The following ULK4 variants were observed in gnomAD, a reference collection of about 807,000 sequenced individuals.
ULK4 encodes unc-51 like kinase 4, also known as inactive serine/threonine-protein kinase ULK4.
Under a neutral mutation model 160.6 loss-of-function variants are expected in ULK4, and 133 were observed. The ratio of observed to expected loss-of-function variants is 0.83; its 90% CI spans 0.72 to 0.96. The LOEUF (loss-of-function observed/expected upper bound fraction) is 0.96. Among genes scored for constraint, ULK4 ranks in the 40% least tolerant of loss-of-function variants. The pLI is 0.00. For missense variants in ULK4, 1,580 were observed against 1,499.5 expected (o/e 1.05, Z -0.89); for synonymous variants, 534 against 539.8 (o/e 0.99, Z 0.15).
intron 30 of ULK4, among the ~76,000 whole-genome samples, chr3:41,638,875 A>T (rs1575511236): frequency 6.6e-6 from 1 of 152,262 alleles, no homozygotes; most frequent in Non-Finnish European, 1.5e-5. Context: ...TGGCAGGTGT[A>T]TGCAATATAT....
intron 32 of ULK4, among the ~76,000 whole-genome samples, chr3:41,487,293 T>C (rs987945015): frequency 4.6e-5 from 7 of 152,120 alleles, no homozygotes; most frequent in African/African-American, 1.7e-4. Context: ...TAATTAATAT[T>C]GGTGATCAAA....
At chr3:41,590,250 C>T in intron 31 of ULK4, among the ~76,000 whole-genome samples, 1 of 151,756 alleles carries the variant, frequency 6.6e-6, no homozygotes, top group African/African-American at 2.4e-5. Context: ...GATCCGCCTG[C>T]CTTGGCCTCC....
At chr3:41,821,231 C>T (rs1240517439) in intron 18 of ULK4, among the ~76,000 whole-genome samples, 2 of 152,212 alleles carry the variant, frequency 1.3e-5, no homozygotes, top group African/African-American at 4.8e-5. Flanking sequence ...TGCTTGTTTT[C>T]TCTAAGTCTG....
At chr3:41,471,023 G>C (rs565609058) in intron 32 of ULK4, among the ~76,000 whole-genome samples, 5 of 151,734 alleles carry the variant, frequency 3.3e-5, no homozygotes, top group Non-Finnish European at 5.9e-5. Flanking sequence ...AAAAGACATA[G>C]AGTAATTGAA....
At chr3:41,555,113 T>C (rs976551426) in intron 32 of ULK4, among the ~76,000 whole-genome samples, 32 of 152,002 alleles carry the variant, frequency 2.1e-4, no homozygotes, top group Admixed American at 9.2e-4. Flanking sequence ...AAAGAATTAA[T>C]AGGTAAAAAC....
intron 17 of ULK4, among the ~76,000 whole-genome samples, chr3:41,857,592 T>C (rs765674883): frequency 2.0e-5 from 3 of 152,190 alleles, no homozygotes; most frequent in Non-Finnish European, 4.4e-5. Context: ...AGCCATCAGG[T>C]TCCTGGCTTT....
intron 30 of ULK4, among the ~76,000 whole-genome samples, chr3:41,625,734 C>G (rs899967236): frequency 6.6e-6 from 1 of 152,120 alleles, no homozygotes; most frequent in African/African-American, 2.4e-5. Flanking sequence ...ACTACATGGG[C>G]TTGTTATATC....
intron 35 of ULK4, among the ~76,000 whole-genome samples, chr3:41,324,451 G>C (rs1336089694): frequency 6.6e-6 from 1 of 152,136 alleles, no homozygotes; most frequent in Non-Finnish European, 1.5e-5. Context: ...TCTATGCACA[G>C]AACTATACAA....
intron 35 of ULK4, among the ~76,000 whole-genome samples, chr3:41,294,214 C>T (rs981872032): frequency 3.3e-5 from 5 of 152,138 alleles, no homozygotes; most frequent in African/African-American, 1.2e-4. Context: ...TAAAAAGAGC[C>T]TGCAGGAGTG....
At chr3:41,504,851 T>C (rs2085326066) in intron 32 of ULK4, among the ~76,000 whole-genome samples, 1 of 152,136 alleles carries the variant, frequency 6.6e-6, no homozygotes, top group Admixed American at 6.6e-5. Context: ...TTCACTAGAG[T>C]TGTTGCTTTT....
Position 41,506,767 on chromosome 3 carries a change from A to AAAAAAAAAAAAAATATATATATATATAT in ULK4, c.3227-43515_3227-43514insATATATATATATATATTTTTTTTTTTTT. Among the ~76,000 whole-genome samples, 2 of 56,766 alleles carry AAAAAAAAAAAAAATATATATATATATAT rather than the reference A, an allele frequency of 3.5e-5. 1 individual carries two copies. The highest frequency in any genetic ancestry group is 1.6e-4 in the African/African-American group (2 of 12,210). The allele number at this position is 56,766 out of a possible 152,430, so 37.2% of individuals were successfully genotyped here. On this transcript the variant is annotated intron_variant, in intron 32 of 36. Coordinates refer to ENST00000301831, the MANE Select transcript of ULK4 (RefSeq NM_017886.4). ...AGCAATACACTGGAGTGTGATTTAA[A>AAAAAAAAAAAAAATATATATATATATAT]ATATATATATATATATATATATATA...
intron 35 of ULK4, among the ~76,000 whole-genome samples, chr3:41,294,216 G>A (rs908375750): frequency 6.6e-6 from 1 of 152,172 alleles, no homozygotes; most frequent in African/African-American, 2.4e-5. Flanking sequence ...AAAAGAGCCT[G>A]CAGGAGTGGG....
chr3:41,408,181 C>T (rs921671498), intron 34 of ULK4, among the ~76,000 whole-genome samples: 3 of 151,844 alleles, frequency 2.0e-5, no homozygotes, highest in South Asian at 2.1e-4. Context: ...GTAATCCCAG[C>T]ACTTTGGGAG....
At chr3:41,658,332 T>A (rs765426819) in intron 30 of ULK4, among the ~76,000 whole-genome samples, 56 of 152,190 alleles carry the variant, frequency 3.7e-4, no homozygotes, top group Admixed American at 2.1e-3. Context: ...AGATTGTGAT[T>A]TAATTGGCCT....
At chr3:41,638,861 CCAGTGG>C (rs1319799241) in intron 30 of ULK4, among the ~76,000 whole-genome samples, 1 of 152,158 alleles carries the variant, frequency 6.6e-6, no homozygotes, top group Non-Finnish European at 1.5e-5. Context: ...TAGTAGACTG[CCAGTGG>C]CAGGTGTATG....
At chr3:41,908,726 G>A (rs1188368344) in intron 11 of ULK4, among the ~76,000 whole-genome samples, 2 of 152,082 alleles carry the variant, frequency 1.3e-5, no homozygotes, top group Non-Finnish European at 2.9e-5. Flanking sequence ...TTACAGGCAT[G>A]AGCCACTGTG....
intron 22 of ULK4, among the ~76,000 whole-genome samples, chr3:41,743,934 A>T (rs980031733): frequency 3.9e-5 from 6 of 151,902 alleles, no homozygotes; most frequent in Admixed American, 2.0e-4. Flanking sequence ...AAGGGAAAGT[A>T]GGGAAAATAA....
At chr3:41,593,601 T>C (rs1223762615) in intron 31 of ULK4, among the ~76,000 whole-genome samples, 7 of 152,216 alleles carry the variant, frequency 4.6e-5, no homozygotes, top group African/African-American at 1.4e-4. Flanking sequence ...CACAGAAATA[T>C]ATACATTAAA....
At chr3:41,386,867 A>G (rs1328134678) in intron 35 of ULK4, among the ~76,000 whole-genome samples, 1 of 152,110 alleles carries the variant, frequency 6.6e-6, no homozygotes, top group African/African-American at 2.4e-5. Flanking sequence ...GTGACATGTG[A>G]TCTTGTCGAT....
Sources: gnomAD v4.1 joint callset for allele counts (sites outside exome capture counted in the v4.1 genomes callset) on GRCh38, gnomAD v4.1.1 for gene constraint, MANE v1.5 for transcripts, NCBI Gene and HGNC (gene_info 2026-07-23, HGNC 2026-07-21) for gene names.